GNS: variants seen among roughly 807,000 people sequenced by gnomAD.
GNS encodes the protein glucosamine (N-acetyl)-6-sulfatase, also known as N-acetylglucosamine-6-sulfatase.
In GNS, 40 loss-of-function variants were observed where a neutral mutation model predicts 69.7. The observed-to-expected ratio is 0.57, with a 90% confidence interval of 0.45 to 0.75. The LOEUF (loss-of-function observed/expected upper bound fraction) is 0.75. Ranked by LOEUF, GNS falls within the 30% of genes least tolerant of loss-of-function variation. The pLI is 0.00. For missense variants in GNS, 565 were observed against 685.5 expected, an observed-to-expected ratio of 0.82 and a Z score of 1.96; for synonymous variants, 243 against 251.6, an observed-to-expected ratio of 0.97 and a Z score of 0.32.
At chr12:64,721,546 G>A (rs1869027427) in intron 12 of GNS, 49 bp downstream of exon 12, 1 of 885,208 alleles carries the variant, frequency 1.1e-6, no homozygotes, top group Non-Finnish European at 1.9e-6. Flanking sequence ...AGCCAACAAA[G>A]CACCAGCAAG....
At chr12:64,722,949 C>G in intron 11 of GNS, 57 bp downstream of exon 11, 1 of 1,009,208 alleles carries the variant, frequency 9.9e-7, no homozygotes, top group South Asian at 1.3e-5. Context: ...TGGCAACCAG[C>G]ACCTTGCCAT....
At chr12:64,741,947 A>G (rs1869750194) in intron 6 of GNS, among the ~76,000 whole-genome samples, 1 of 152,224 alleles carries the variant, frequency 6.6e-6, no homozygotes, top group Non-Finnish European at 1.5e-5. Flanking sequence ...CTTTTGGAAC[A>G]CAGATTGAGA....
At chr12:64,758,421 C>A (rs1333855189) in intron 1 of GNS, among the ~76,000 whole-genome samples, 3 of 146,770 alleles carry the variant, frequency 2.0e-5, no homozygotes, top group Admixed American at 7.0e-5. Context: ...CTCCCGGGTT[C>A]AAGCGATTCT....
chr12:64,732,157 T>TTTTTTTG (rs1869416116), intron 9 of GNS, among the ~76,000 whole-genome samples: 1 of 97,478 alleles, frequency 1.0e-5, no homozygotes, highest in African/African-American at 4.9e-5. Context: ...TGGCTAATTT[T>TTTTTTTG]TTTTTTTTGT....
At chr12:64,745,566 C>A in intron 4 of GNS, 93 bp downstream of exon 4, 1 of 865,586 alleles carries the variant, frequency 1.2e-6, no homozygotes, top group Non-Finnish European at 2.0e-6. Flanking sequence ...ATTGTAAAAG[C>A]AAATAAAGTT....
chr12:64,722,945 C>CCAG, intron 11 of GNS, 61 bp downstream of exon 11: 1 of 984,814 alleles, frequency 1.0e-6, no homozygotes, highest in Admixed American at 1.7e-5. Flanking sequence ...CACATGGCAA[C>CCAG]CAGCACCTTG....
Position 64,743,238 on chromosome 12 carries a change from G to T in GNS, c.695C>A (p.Pro232Gln). 1 of 1,612,342 alleles carries T rather than the reference G, an allele frequency of 6.2e-7. No homozygotes were observed. Among genetic ancestry groups the T allele is most frequent in the Non-Finnish European group, 8.5e-7 (1 of 1,178,380 alleles). ...FEPFFMMIAT[P>Q]APHSPWTAAP... ...AGCTGTCCAAGGCGAATGAGGCGCT[G>T]GAGTGGCGATCATCATGAAGAAGGG... Residue 232 changes from proline to glutamine, a missense_variant, in exon 6 of 14, where the codon CCA becomes CAA. Physicochemically the swap from Pro to Gln is moderately conservative, Grantham distance 76. Transcript: ENST00000258145.
chr12:64,745,926 G>A (rs774587389), intron 3 of GNS: 27 of 573,346 alleles, frequency 4.7e-5, no homozygotes, highest in Non-Finnish European at 7.2e-5. Context: ...CAGCCAGTGA[G>A]CCAAATCTGG....
At position 64,713,874 on chromosome 12, in the gene GNS, G is replaced by GT. The variant is rs1868782435; in HGVS notation, c.*2866dup. 6.6e-6 allele frequency: 1 copy of GT among 152,238 alleles called. No homozygotes were observed. The highest frequency in any genetic ancestry group is 2.4e-5 in the African/African-American group (1 of 41,436). 9.4% of individuals were successfully genotyped at this position (152,238 alleles called of 1,614,324 possible). On this transcript the variant is annotated 3_prime_UTR_variant, in exon 14 of 14. Coordinates refer to ENST00000258145, the MANE Select transcript of GNS (RefSeq NM_002076.4). ...AGGCCGGGCACGGTGGCTCACACCCGTAATCCCAGCACTTTGGGAGGCCGA... is the reference window on the plus strand; with the variant it reads ...AGGCCGGGCACGGTGGCTCACACCCGTTAATCCCAGCACTTTGGGAGGCCGA...
chr12:64,734,975 G>A (rs532489492), intron 9 of GNS, among the ~76,000 whole-genome samples: 27 of 152,248 alleles, frequency 1.8e-4, no homozygotes, highest in Non-Finnish European at 3.7e-4. Flanking sequence ...GCTGGGCATG[G>A]TGGCAGGTAC....
At chr12:64,742,671 G>C (rs920969646) in intron 6 of GNS, among the ~76,000 whole-genome samples, 5 of 152,200 alleles carry the variant, frequency 3.3e-5, no homozygotes, top group Non-Finnish European at 7.3e-5. Flanking sequence ...ATAAGTAATT[G>C]GCACGTGAGG....
intron 8 of GNS, 141 bp downstream of exon 8, chr12:64,739,240 T>C: frequency 1.3e-6 from 1 of 761,296 alleles, no homozygotes; most frequent in Non-Finnish European, 2.4e-6. Flanking sequence ...GTGCTCCAAC[T>C]GGAGGGGTCC....
At chr12:64,717,373 G>A (rs1868894503) in intron 13 of GNS, among the ~76,000 whole-genome samples, 1 of 152,176 alleles carries the variant, frequency 6.6e-6, no homozygotes, top group Non-Finnish European at 1.5e-5. Flanking sequence ...CTGGCAGGGG[G>A]ACAGAGTCAG....
chr12:64,755,703 G>C (rs1870229899), intron 1 of GNS, among the ~76,000 whole-genome samples: 1 of 141,862 alleles, frequency 7.0e-6, no homozygotes, highest in Admixed American at 7.0e-5. Flanking sequence ...TTTTGAGATG[G>C]AGTCTTGCTC....
chr12:64,724,929 G>A (rs2136238744), intron 10 of GNS, among the ~76,000 whole-genome samples: 1 of 152,300 alleles, frequency 6.6e-6, no homozygotes, highest in Non-Finnish European at 1.5e-5. Flanking sequence ...AGGTGGAATT[G>A]AGTGAACTGT....
intron 2 of GNS, among the ~76,000 whole-genome samples, chr12:64,748,601 G>C (rs567916927): frequency 2.0e-5 from 3 of 152,280 alleles, no homozygotes; most frequent in East Asian, 1.9e-4. Context: ...TTGAGACACA[G>C]TGGTTCATTT....
chr12:64,730,718 G>C (rs907563648), intron 9 of GNS, among the ~76,000 whole-genome samples: 1 of 152,102 alleles, frequency 6.6e-6, no homozygotes, highest in Admixed American at 6.5e-5. Flanking sequence ...AAGACCCCCA[G>C]GCAAACTGAG....
At chr12:64,730,702 G>A (rs1415815304) in intron 9 of GNS, among the ~76,000 whole-genome samples, 1 of 152,076 alleles carries the variant, frequency 6.6e-6, no homozygotes, top group African/African-American at 2.4e-5. Flanking sequence ...TAATTTTCCT[G>A]GTTCGAAGAC....
At chr12:64,739,076 A>G (rs1030343194) in intron 8 of GNS, among the ~76,000 whole-genome samples, 13 of 151,878 alleles carry the variant, frequency 8.6e-5, no homozygotes, top group African/African-American at 2.9e-4. Flanking sequence ...TCCCAAGACA[A>G]CCTCCTTTTG....
Sources: gnomAD v4.1 joint callset for allele counts (sites outside exome capture counted in the v4.1 genomes callset) on GRCh38, gnomAD v4.1.1 for gene constraint, MANE v1.5 for transcripts, NCBI Gene and HGNC (gene_info 2026-07-23, HGNC 2026-07-21) for gene names.